SMG6: variants seen among roughly 807,000 people sequenced by gnomAD.
SMG6 encodes SMG6 nonsense mediated mRNA decay factor, also known as telomerase-binding protein EST1A.
SMG6 carries 66 observed loss-of-function variants against 142.2 expected under a neutral mutation model. The ratio of observed to expected loss-of-function variants is 0.46; its 90% CI spans 0.38 to 0.57. The LOEUF is 0.57. Among genes scored for constraint, SMG6 ranks in the 20% least tolerant of loss-of-function variants. The probability of loss-of-function intolerance (pLI) is 0.00; values close to 1 mark genes in which losing one functional copy is unlikely to be tolerated. For synonymous variants in SMG6, 779 were observed against 702.4 expected (o/e 1.11, Z -1.72); for missense variants, 1,793 against 1,832.0 (o/e 0.98, Z 0.39).
At chr17:2,138,106 G>A (rs910733072) in intron 13 of SMG6, among the ~76,000 whole-genome samples, 3 of 151,754 alleles carry the variant, frequency 2.0e-5, no homozygotes, top group African/African-American at 7.3e-5. Context: ...TGCCTTTGGT[G>A]TTGTTATATC....
chr17:2,130,283 A>AAAAAAAAAAAAAAAAAC (rs2070074836), intron 13 of SMG6, among the ~76,000 whole-genome samples: 2 of 129,400 alleles, frequency 1.5e-5, no homozygotes, highest in Non-Finnish European at 1.8e-5. Flanking sequence ...AAAAAAAAAA[A>AAAAAAAAAAAAAAAAAC]AGAAACAGCA....
At chr17:2,144,530 T>A (rs1033094350) in intron 13 of SMG6, among the ~76,000 whole-genome samples, 1 of 150,698 alleles carries the variant, frequency 6.6e-6, no homozygotes, top group African/African-American at 2.4e-5. Flanking sequence ...CTTTACAAGG[T>A]AGCTTTTTTG....
intron 13 of SMG6, among the ~76,000 whole-genome samples, chr17:2,137,104 T>C (rs777449668): frequency 3.9e-5 from 6 of 151,964 alleles, no homozygotes; most frequent in African/African-American, 1.2e-4. Context: ...GAGGTGGAGG[T>C]TGCAGTGAGC....
At chr17:2,158,645 C>A (rs893064096) in intron 13 of SMG6, among the ~76,000 whole-genome samples, 6 of 152,132 alleles carry the variant, frequency 3.9e-5, no homozygotes, top group African/African-American at 1.4e-4. Flanking sequence ...AGGCTAAGCG[C>A]CGTGGCTCAT....
intron 9 of SMG6, among the ~76,000 whole-genome samples, chr17:2,240,715 T>C (rs1170234897): frequency 6.6e-6 from 1 of 152,270 alleles, no homozygotes; most frequent in Non-Finnish European, 1.5e-5. Flanking sequence ...GAGACTTATC[T>C]TGCACATAGT....
chr17:2,215,015 C>G (rs966043902), intron 10 of SMG6, among the ~76,000 whole-genome samples: 1 of 152,210 alleles, frequency 6.6e-6, no homozygotes, highest in Non-Finnish European at 1.5e-5. Context: ...AAAGCCACAA[C>G]TCCACGGGGC....
intron 9 of SMG6, among the ~76,000 whole-genome samples, chr17:2,242,012 T>C (rs2073813120): frequency 6.6e-6 from 1 of 152,174 alleles, no homozygotes. Flanking sequence ...AAGGCAGGGA[T>C]GCTGCCAAGT....
intron 12 of SMG6, among the ~76,000 whole-genome samples, chr17:2,177,538 A>C (rs1278662515): frequency 6.6e-6 from 1 of 152,190 alleles, no homozygotes; most frequent in Non-Finnish European, 1.5e-5. Flanking sequence ...ATCAAGTACA[A>C]TGACCCCATG....
At chr17:2,104,180 T>C (rs1394916242) in intron 13 of SMG6, among the ~76,000 whole-genome samples, 2 of 152,064 alleles carry the variant, frequency 1.3e-5, no homozygotes, top group African/African-American at 4.8e-5. Flanking sequence ...CTTGATCTCC[T>C]GACCTCGTGA....
In SMG6 at chr17:2,292,634, G is replaced by C; in HGVS notation, c.2259-4C>G. ...GTGCTGGGCCTTCAGGTACCAACTA[G>C]AACAGAAAAAACAGTAAGAAAATGC... On this transcript the variant is annotated splice_polypyrimidine_tract_variant and splice_region_variant and intron_variant, in intron 5 of 18. Coordinates refer to ENST00000263073, the MANE Select transcript of SMG6 (RefSeq NM_017575.5). 6.4e-7 allele frequency: 1 copy of C among 1,559,904 alleles called. No individual in the cohort carries two copies. Among genetic ancestry groups the C allele is most frequent in the Non-Finnish European group, 8.7e-7 (1 of 1,151,294 alleles).
Position 2,300,258 on chromosome 17 carries a change from C to T in SMG6, c.495G>A (p.Glu165=). The T allele has an allele frequency of 1.2e-6, 2 of 1,614,186 alleles. No individual in the cohort carries two copies. Among genetic ancestry groups the T allele is most frequent in the Non-Finnish European group, 1.7e-6 (2 of 1,180,048 alleles). The change falls in exon 2 of 19, where the codon GAG becomes GAA. Residue 165 remains glutamate (E), a synonymous_variant. Transcript: ENST00000263073. ...GTTCTACCTGGTTGAGGACTTCTTC[C>T]TCCTCCACCCGACTGGCGGATTCTT... ...VSKESASRVE[E]EEVLNQVEQL...
intron 8 of SMG6, among the ~76,000 whole-genome samples, chr17:2,279,741 C>T (rs1420909830): frequency 6.6e-6 from 1 of 152,144 alleles, no homozygotes; most frequent in African/African-American, 2.4e-5. Flanking sequence ...ACATGTCAAG[C>T]ACGACTCCAG....
At chr17:2,199,086 C>A (rs551421710) in intron 10 of SMG6, among the ~76,000 whole-genome samples, 1 of 151,164 alleles carries the variant, frequency 6.6e-6, no homozygotes, top group East Asian at 1.9e-4. Flanking sequence ...GCAAGCAGCA[C>A]AAGATGAAGG....
intron 11 of SMG6, 43 bp from the exon 12 acceptor site, chr17:2,186,874 G>GC (rs749883137): frequency 1.3e-6 from 2 of 1,598,346 alleles, no homozygotes; most frequent in African/African-American, 1.3e-5. Flanking sequence ...GTCTGCTGTA[G>GC]CCCCCGAGTG....
intron 13 of SMG6, among the ~76,000 whole-genome samples, chr17:2,113,501 T>C (rs995883742): frequency 1.3e-5 from 2 of 152,182 alleles, no homozygotes; most frequent in African/African-American, 2.4e-5. Flanking sequence ...CAAAGCCGGC[T>C]TGGGAAAGGG....
intron 13 of SMG6, among the ~76,000 whole-genome samples, chr17:2,106,617 A>G (rs1055690174): frequency 2.0e-5 from 3 of 152,162 alleles, no homozygotes; most frequent in African/African-American, 7.2e-5. Context: ...CACAAGGGCA[A>G]AATTAACCAG....
At chr17:2,122,797 C>T (rs1017303305) in intron 13 of SMG6, among the ~76,000 whole-genome samples, 3 of 152,164 alleles carry the variant, frequency 2.0e-5, no homozygotes, top group Non-Finnish European at 4.4e-5. Flanking sequence ...TCCCTGTAAA[C>T]AATAAATGTT....
chr17:2,077,433 G>T (rs1404364286), intron 15 of SMG6, among the ~76,000 whole-genome samples: 1 of 152,182 alleles, frequency 6.6e-6, no homozygotes. Context: ...ATTGAAGGAG[G>T]AATAGAATTT....
intron 13 of SMG6, among the ~76,000 whole-genome samples, chr17:2,139,170 G>T (rs868024861): frequency 6.6e-6 from 1 of 152,192 alleles, no homozygotes. Flanking sequence ...CCAGGGTATT[G>T]GGAGTGACTA....
Sources: gnomAD v4.1 joint callset for allele counts (sites outside exome capture counted in the v4.1 genomes callset) on GRCh38, gnomAD v4.1.1 for gene constraint, MANE v1.5 for transcripts, NCBI Gene and HGNC (gene_info 2026-07-23, HGNC 2026-07-21) for gene names.